Variants in PTPRS observed in about 807,000 individuals in gnomAD.
PTPRS encodes receptor-type tyrosine-protein phosphatase S.
In PTPRS, 63 loss-of-function variants were observed where a neutral mutation model predicts 215.3. The observed-to-expected ratio is 0.29, with a 90% CI of 0.24 to 0.36. The LOEUF is 0.36. Ranked by LOEUF, PTPRS falls within the 10% of genes least tolerant of loss-of-function variation. The probability of loss-of-function intolerance (pLI) is 1.00; values close to 1 mark genes in which losing one functional copy is unlikely to be tolerated. For synonymous variants in PTPRS, 1,404 were observed against 1,191.4 expected (o/e 1.18, Z -3.68); for missense variants, 2,258 against 2,825.8 (o/e 0.80, Z 4.56).
At chr19:5,274,950 G>A (rs2047232112) in intron 2 of PTPRS, among the ~76,000 whole-genome samples, 2 of 152,134 alleles carry the variant, frequency 1.3e-5, no homozygotes, top group African/African-American at 2.4e-5. Context: ...GGACACGAGG[G>A]GTCAGTGCCC....
intron 1 of PTPRS, among the ~76,000 whole-genome samples, chr19:5,319,412 T>C (rs935518826): frequency 5.0e-5 from 7 of 141,008 alleles, no homozygotes; most frequent in Non-Finnish European, 9.3e-5. Flanking sequence ...CCAGACCTTG[T>C]CTTTTTTTTT....
Position 5,212,425 on chromosome 19 carries a change from G to A in PTPRS, c.4681C>T (p.Pro1561Ser). The A allele has an allele frequency of 6.2e-7, 1 of 1,601,998 alleles. No homozygotes were observed. Among genetic ancestry groups the A allele is most frequent in the Admixed American group, 1.7e-5 (1 of 58,078 alleles). Residue 1561 changes from proline (P) to serine (S), a missense_variant, in exon 31 of 38, where the codon CCC becomes TCC. Transcript: ENST00000262963. The stretch of plus-strand genomic sequence containing the variant: ...GCCAGGAAGGGCGTTGGGTATTCGG[G>A]CACGCCATGGTCCGGCCACGCCGTA... ...QFTAWPDHGV[P>S]EYPTPFLAFL...
chr19:5,313,210 C>A (rs1408703503), intron 1 of PTPRS, among the ~76,000 whole-genome samples: 3 of 152,236 alleles, frequency 2.0e-5, no homozygotes, highest in Non-Finnish European at 4.4e-5. Context: ...AGCCACCGTG[C>A]CCGGTCCTGG....
Position 5,339,683 on chromosome 19 carries a change from CT to C in PTPRS, c.-95+980del, listed in dbSNP as rs1187235621. The stretch of plus-strand genomic sequence containing the variant: ...GGCGCGGGCACTCTAACCTGGGGGG[CT>C]CCCCTCAGGGCACGCCCCGCGCCCC... On this transcript the variant is annotated intron_variant, in intron 1 of 37. Transcript: ENST00000262963. This position sits in a 1 kb window ranked among gnomAD's most constrained non-coding sequence, Gnocchi z 4.2. Among the ~76,000 whole-genome samples, 1 of 151,972 alleles carries C rather than the reference CT, an allele frequency of 6.6e-6. No individual in the cohort carries two copies. Among genetic ancestry groups the C allele is most frequent in the Non-Finnish European group, 1.5e-5 (1 of 67,940 alleles).
chr19:5,284,411 A>T (rs2048154785), intron 2 of PTPRS, among the ~76,000 whole-genome samples: 1 of 135,156 alleles, frequency 7.4e-6, no homozygotes, highest in Admixed American at 7.3e-5. Context: ...AAATAAATAA[A>T]TAAATAAAAA....
intron 1 of PTPRS, among the ~76,000 whole-genome samples, chr19:5,322,137 C>T (rs923489841): frequency 1.3e-5 from 2 of 152,204 alleles, no homozygotes; most frequent in Admixed American, 6.5e-5. Flanking sequence ...CAGGGAACTG[C>T]AGGCCCCACG....
intron 13 of PTPRS, among the ~76,000 whole-genome samples, chr19:5,232,423 AC>A (rs1212075018): frequency 1.3e-5 from 2 of 151,306 alleles, no homozygotes; most frequent in African/African-American, 4.9e-5. Context: ...CAAGGGCTTC[AC>A]AAATAGTAAA....
intron 37 of PTPRS, among the ~76,000 whole-genome samples, chr19:5,207,050 TCTC>T (rs914144593): frequency 3.9e-5 from 6 of 152,180 alleles, no homozygotes; most frequent in African/African-American, 1.4e-4. Context: ...CGGAACGCCC[TCTC>T]CTCCCGTCTG....
At position 5,212,543 on chromosome 19, in the gene PTPRS, G is replaced by T. The variant is rs770572172; in HGVS notation, c.4615-52C>A. ...CACTCCGGCTCAACCTGCCACCCAT[G>T]TGCTGAAGATGCCCAAGTGGCCGGG... On this transcript the variant is annotated intron_variant, in intron 30 of 37. Coordinates refer to ENST00000262963, the MANE Select transcript of PTPRS (RefSeq NM_002850.4). The T allele has an allele frequency of 2.0e-5, 31 of 1,534,798 alleles. 2 individuals are homozygous for T. The Middle Eastern group carries it at 6.7e-4, about 33-fold the overall frequency.
rs144817540 is a variant in PTPRS, at chr19:5,244,121, C to T, written c.1350G>A (p.Pro450=). Residue 450 remains proline, a synonymous_variant, in exon 11 of 38, where the codon CCG becomes CCA. Transcript: ENST00000262963. This position sits in a 1 kb window ranked among gnomAD's most constrained non-coding sequence, Gnocchi z 7.2. ...CGCGGATCAGGCCGTTGGGCTCCAC[C>T]GGCTCCTCCCACTGCACAATCATGG... ...ATTMIVQWEE[P]VEPNGLIRGY... 62 of 1,606,650 alleles carry T rather than the reference C, an allele frequency of 3.9e-5. 1 individual carries two copies. The highest frequency in any genetic ancestry group is 3.7e-4 in the Admixed American group (22 of 59,728).
In PTPRS at chr19:5,244,726, G is replaced by A. The variant is rs963160734; in HGVS notation, c.989-244C>T. 2.0e-5 allele frequency among the ~76,000 whole-genome samples: 3 copies of A among 152,126 alleles called. No homozygotes were observed. Among genetic ancestry groups the A allele is most frequent in the African/African-American group, 7.2e-5 (3 of 41,424 alleles). On this transcript the variant is annotated intron_variant, in intron 10 of 37. Transcript: ENST00000262963. The surrounding 1 kb of genome is among the most constrained non-coding windows in gnomAD (Gnocchi z 7.2). ...ATGGAGTCTCACTCTGTCACCCACAGTGGCACGATCTCGGCTCACTGCAAG... is the reference window on the plus strand; with the variant it reads ...ATGGAGTCTCACTCTGTCACCCACAATGGCACGATCTCGGCTCACTGCAAG...
chr19:5,233,951 A>AAAAAAAAAC (rs2043221170), intron 13 of PTPRS, among the ~76,000 whole-genome samples: 1 of 121,320 alleles, frequency 8.2e-6, no homozygotes, highest in South Asian at 3.0e-4. Context: ...ATCTCCAAAA[A>AAAAAAAAAC]AAAAAAAAAA....
At position 5,257,149 on chromosome 19, in the gene PTPRS, AGAG is replaced by A. The variant is rs952929843; in HGVS notation, c.706+865_706+867del. Among the ~76,000 whole-genome samples, 6 of 149,804 alleles carry A rather than the reference AGAG, an allele frequency of 4.0e-5. No homozygotes were observed. Among genetic ancestry groups the A allele is most frequent in the African/African-American group, 1.5e-4 (6 of 40,644 alleles). On this transcript the variant is annotated intron_variant, in intron 8 of 37. Transcript: ENST00000262963. The surrounding 1 kb of genome is among the most constrained non-coding windows in gnomAD (Gnocchi z 4.4). ...GACCCAAGAGCCAACACACGAGATA[AGAG>A]GAGGCCAACGGAGGCATCTGGGGGC... is the stretch of plus-strand genomic sequence containing the variant.
At chr19:5,331,509 TAC>T (rs780279317) in intron 1 of PTPRS, among the ~76,000 whole-genome samples, 3 of 152,152 alleles carry the variant, frequency 2.0e-5, no homozygotes, top group Non-Finnish European at 4.4e-5. Context: ...TCCTGGCCAT[TAC>T]ACAGAGTTGA....
intron 1 of PTPRS, among the ~76,000 whole-genome samples, chr19:5,302,901 CAA>C (rs61244607): frequency 1.0e-3 from 114 of 112,552 alleles, no homozygotes; most frequent in South Asian, 1.8e-3. Context: ...ACTAAAAATA[CAA>C]AAAAAAAAAA....
intron 19 of PTPRS, among the ~76,000 whole-genome samples, chr19:5,221,490 C>T (rs991216446): frequency 6.6e-6 from 1 of 151,766 alleles, no homozygotes. Context: ...AGTCCTGATC[C>T]TAGGTAGAAG....
chr19:5,332,129 A>AT (rs2050345975), intron 1 of PTPRS, among the ~76,000 whole-genome samples: 1 of 145,628 alleles, frequency 6.9e-6, no homozygotes. Flanking sequence ...AAAATAGGGC[A>AT]ATTTTTTTTT....
At chr19:5,317,987 C>T (rs112455330) in intron 1 of PTPRS, among the ~76,000 whole-genome samples, 3,185 of 152,172 alleles carry the variant, frequency 0.021, 102 homozygotes, top group African/African-American at 0.072. Flanking sequence ...CTGCTTCACA[C>T]GGTGAAACCC....
chr19:5,331,468 G>C (rs1343650009), intron 1 of PTPRS, among the ~76,000 whole-genome samples: 1 of 152,142 alleles, frequency 6.6e-6, no homozygotes, highest in Non-Finnish European at 1.5e-5. Flanking sequence ...CAGTGTACAT[G>C]AGGGTGGGGT....
Sources: allele counts gnomAD v4.1 joint callset (sites outside exome capture counted in the v4.1 genomes callset), GRCh38; gene constraint gnomAD v4.1.1; non-coding constraint Gnocchi (gnomAD v3.1); transcripts MANE v1.5; gene names NCBI Gene and HGNC (gene_info 2026-07-23, HGNC 2026-07-21).